The following DNAH6 variants were observed in gnomAD, a reference collection of about 807,000 sequenced individuals.
DNAH6 encodes axonemal beta dynein heavy chain 6.
Under a neutral mutation model 491.4 loss-of-function variants are expected in DNAH6, and 340 were observed. That is an observed-to-expected ratio of 0.69 (90% CI 0.63 to 0.76). The LOEUF is 0.76. Ranked by LOEUF, DNAH6 falls within the 30% of genes least tolerant of loss-of-function variation. The pLI, the probability that DNAH6 is intolerant of heterozygous loss-of-function variation, is 0.00. For missense variants in DNAH6, 4,443 were observed against 4,972.2 expected (o/e 0.89, Z 3.20); for synonymous variants, 1,603 against 1,686.1 (o/e 0.95, Z 1.21).
At chr2:84,801,646 G>A (rs1004213217) in intron 70 of DNAH6, among the ~76,000 whole-genome samples, 2 of 152,086 alleles carry the variant, frequency 1.3e-5, no homozygotes, top group African/African-American at 2.4e-5. Flanking sequence ...CACTTTGAGA[G>A]GCTGAGGCAA....
At chr2:84,494,432 T>G in the DNAH6 span, among the ~76,000 whole-genome samples, 65 of 152,276 alleles carry the variant, frequency 4.3e-4, no homozygotes, top group African/African-American at 1.4e-3. Flanking sequence ...TTATGTCACA[T>G]CACATCGAAA....
intron 61 of DNAH6, among the ~76,000 whole-genome samples, chr2:84,732,768 T>G (rs1033292532): frequency 3.9e-5 from 6 of 152,244 alleles, no homozygotes; most frequent in Non-Finnish European, 8.8e-5. Flanking sequence ...ATGAATTGCT[T>G]AGCATATAAA....
chr2:84,482,492 GAT>G, the DNAH6 span, among the ~76,000 whole-genome samples: 3 of 152,228 alleles, frequency 2.0e-5, no homozygotes, highest in Admixed American at 2.0e-4. Flanking sequence ...ATTTTAAAAA[GAT>G]AGACCAAGAG....
At chr2:84,646,701 C>G (rs1689931968) in intron 33 of DNAH6, among the ~76,000 whole-genome samples, 1 of 152,140 alleles carries the variant, frequency 6.6e-6, no homozygotes, top group Non-Finnish European at 1.5e-5. Flanking sequence ...CTCTGACTCT[C>G]TTCAATTCTA....
chr2:84,654,680 C>A lies in DNAH6; in HGVS notation c.5655C>A (p.Ala1885=). ...MLFEVQDLRV[A]SPATVSRCGM... ...TTTAGGTGCAAGATCTGCGGGTTGC[C>A]TCCCCTGCAACAGTCAGTCGATGTG... Residue 1885 remains alanine (A), a synonymous_variant, in exon 35 of 77, where the codon GCC becomes GCA. Coordinates refer to ENST00000389394, the MANE Select transcript of DNAH6 (RefSeq NM_001370.2). 6.4e-7 allele frequency: 1 copy of A among 1,550,760 alleles called. No individual in the cohort carries two copies. The highest frequency in any genetic ancestry group is 8.7e-7 in the Non-Finnish European group (1 of 1,146,256).
intron 39 of DNAH6, among the ~76,000 whole-genome samples, 158 bp downstream of exon 39, chr2:84,670,633 G>A (rs1335881571): frequency 6.6e-6 from 1 of 152,144 alleles, no homozygotes; most frequent in East Asian, 1.9e-4. Context: ...TAGCTATGTA[G>A]ATGTCTTAGT....
chr2:84,713,293 C>G, intron 57 of DNAH6, 34 bp downstream of exon 57: 2 of 1,541,900 alleles, frequency 1.3e-6, no homozygotes, highest in Non-Finnish European at 1.8e-6. Flanking sequence ...CTCAACTTAA[C>G]TGGATTATCA....
chr2:84,494,205 C>G, the DNAH6 span, among the ~76,000 whole-genome samples: 1 of 152,170 alleles, frequency 6.6e-6, no homozygotes, highest in Non-Finnish European at 1.5e-5. Context: ...AGGACTCACA[C>G]GTTGGTCTCT....
intron 38 of DNAH6, 73 bp downstream of exon 38, chr2:84,669,583 A>C: frequency 8.0e-7 from 1 of 1,252,172 alleles, no homozygotes. Flanking sequence ...CGTTAGCACC[A>C]GAAGTAATAT....
At chr2:84,490,584 T>G in the DNAH6 span, among the ~76,000 whole-genome samples, 1 of 152,156 alleles carries the variant, frequency 6.6e-6, no homozygotes, top group East Asian at 1.9e-4. Flanking sequence ...ATTTTTAAGA[T>G]GGAGTCTCAC....
chr2:84,571,575 G>C (rs568808998), intron 11 of DNAH6, among the ~76,000 whole-genome samples: 1 of 152,166 alleles, frequency 6.6e-6, no homozygotes, highest in South Asian at 2.1e-4. Context: ...TTTAAAAAAT[G>C]TGAAGGTCAT....
chr2:84,624,571 G>T lies in DNAH6; in HGVS notation c.4304G>T (p.Gly1435Val). The change falls in exon 28 of 77, where the codon GGC (glycine) becomes GTC (valine). Residue 1435 changes from glycine to valine, a missense_variant. Around this residue, in one of 3 missense-constraint regions of DNAH6, gnomAD observed 2,977 missense variants for 3,296.6 expected, o/e 0.90. Transcript: ENST00000389394. Reference protein sequence around the residue: ...ARMALSQYTYGYEYLGACPRL... With the variant: ...ARMALSQYTYVYEYLGACPRL... ...ATGGCGCTCTCTCAGTACACTTATG[G>T]CTATGAATATTTGGGTGCATGCCCA... 6.4e-7 allele frequency: 1 copy of T among 1,551,580 alleles called. No individual in the cohort carries two copies. Among genetic ancestry groups the T allele is most frequent in the Non-Finnish European group, 8.7e-7 (1 of 1,146,932 alleles).
chr2:84,802,687 A>G (rs560720062), intron 70 of DNAH6, among the ~76,000 whole-genome samples: 2 of 152,342 alleles, frequency 1.3e-5, no homozygotes, highest in African/African-American at 4.8e-5. Flanking sequence ...TTCTAGACCT[A>G]AATTCAATAC....
At chr2:84,507,749 C>T in the DNAH6 span, among the ~76,000 whole-genome samples, 1 of 152,108 alleles carries the variant, frequency 6.6e-6, no homozygotes, top group South Asian at 2.1e-4. Flanking sequence ...CCATCAATAC[C>T]TAATTTATTG....
intron 29 of DNAH6, among the ~76,000 whole-genome samples, 186 bp from the exon 30 acceptor site, chr2:84,634,314 TAGAG>T (rs1312425268): frequency 2.6e-5 from 4 of 152,200 alleles, no homozygotes; most frequent in South Asian, 2.1e-4. Context: ...TCAAATCACT[TAGAG>T]AGACTCAAAA....
intron 41 of DNAH6, among the ~76,000 whole-genome samples, chr2:84,677,444 A>T (rs1295802892): frequency 6.6e-6 from 1 of 152,092 alleles, no homozygotes; most frequent in Non-Finnish European, 1.5e-5. Context: ...TTCTTGGCAG[A>T]TCTCATCACT....
intron 61 of DNAH6, among the ~76,000 whole-genome samples, chr2:84,732,301 G>A (rs1183689851): frequency 6.6e-6 from 1 of 152,026 alleles, no homozygotes; most frequent in African/African-American, 2.4e-5. Context: ...TATACTTACT[G>A]GTTAAACGTA....
chr2:84,525,812 A>G, intron 3 of DNAH6, 74 bp downstream of exon 3: 1 of 1,094,984 alleles, frequency 9.1e-7, no homozygotes, highest in Non-Finnish European at 1.3e-6. Flanking sequence ...CATACTTTTA[A>G]CTCATAAGAA....
Position 84,704,282 on chromosome 2 carries a change from C to A in DNAH6, c.8445C>A (p.Ile2815=). Residue 2815 remains isoleucine, a synonymous_variant, in exon 51 of 77, where the codon ATC becomes ATA. Transcript: ENST00000389394. ...TGGTCATGACAGTAATGGAAGCAAT[C>A]TCCATTCTTTTGAATGCCAAGTGAG... is the stretch of plus-strand genomic sequence containing the variant. The part of the protein sequence containing the change: ...PDLVMTVMEA[I]SILLNAKPDW... The A allele has an allele frequency of 6.4e-7, 1 of 1,551,194 alleles. No individual in the cohort carries two copies. The highest frequency in any genetic ancestry group is 1.2e-5 in the South Asian group (1 of 84,052).
Sources: gnomAD v4.1 joint callset for allele counts (sites outside exome capture counted in the v4.1 genomes callset) on GRCh38, gnomAD v4.1.1 for gene constraint, gnomAD v4.1.1 regional missense constraint, MANE v1.5 for transcripts, NCBI Gene and HGNC (gene_info 2026-07-23, HGNC 2026-07-21) for gene names.